The following ACOXL variants were observed in gnomAD, a reference collection of about 807,000 sequenced individuals.
ACOXL encodes the protein acyl-coenzyme A oxidase-like protein.
A neutral mutation model predicts 71.9 loss-of-function variants in ACOXL; 70 were observed. That is an observed-to-expected ratio of 0.97 (90% confidence interval 0.80 to 1.19). The LOEUF is 1.19. ACOXL is among the 50% of genes most tolerant of loss of function. The probability of loss-of-function intolerance (pLI) is 0.00; values close to 1 mark genes in which losing one functional copy is unlikely to be tolerated. For missense variants in ACOXL, 703 were observed against 736.3 expected (o/e 0.95, Z 0.52); for synonymous variants, 253 against 281.6 (o/e 0.90, Z 1.02).
chr2:110,906,709 C>T (rs1428013451), intron 10 of ACOXL, among the ~76,000 whole-genome samples: 6 of 152,078 alleles, frequency 3.9e-5, no homozygotes, highest in Non-Finnish European at 8.8e-5. Flanking sequence ...TCAAGTGAAG[C>T]TCTGGAGCAT....
chr2:110,783,409 G>T (rs1188853676), intron 2 of ACOXL, among the ~76,000 whole-genome samples: 1 of 152,194 alleles, frequency 6.6e-6, no homozygotes, highest in East Asian at 1.9e-4. Flanking sequence ...GATGCATTGG[G>T]TTGGAGCCAT....
rs1685638386 is a variant in ACOXL at position 110,799,156 on chromosome 2, G to C, written c.547+56G>C. 7 of 1,526,270 alleles carry C rather than the reference G, an allele frequency of 4.6e-6. No individual in the cohort carries two copies. In the East Asian group the frequency reaches 1.6e-4, roughly 34 times the overall value. 94.5% of individuals were successfully genotyped at this position (1,526,270 alleles called of 1,614,324 possible). The stretch of plus-strand genomic sequence containing the variant: ...CACTCTTCCTACCTGCTCCCCACCT[G>C]ACTCAAGGAGAATCTAACCTACGTT... On this transcript the variant is annotated intron_variant, in intron 7 of 17. Transcript: ENST00000439055.
intron 11 of ACOXL, among the ~76,000 whole-genome samples, chr2:110,924,802 TAATGGCC>T (rs2060212428): frequency 6.6e-6 from 1 of 151,574 alleles, no homozygotes; most frequent in Admixed American, 6.6e-5. Context: ...CAAATGTTCT[TAATGGCC>T]TTTAGATTGG....
At chr2:110,823,332 T>A (rs1688832156) in intron 9 of ACOXL, among the ~76,000 whole-genome samples, 1 of 152,122 alleles carries the variant, frequency 6.6e-6, no homozygotes, top group Admixed American at 6.6e-5. Flanking sequence ...TATTCCACTG[T>A]ATAGATGTAC....
At chr2:110,790,753 C>T (rs917376105) in intron 3 of ACOXL, among the ~76,000 whole-genome samples, 18 of 152,230 alleles carry the variant, frequency 1.2e-4, no homozygotes, top group Non-Finnish European at 2.5e-4. Context: ...CCCACGTGAT[C>T]GGTTGATGCC....
chr2:110,918,662 A>C (rs1455716292), intron 11 of ACOXL, among the ~76,000 whole-genome samples: 3 of 152,250 alleles, frequency 2.0e-5, no homozygotes. Context: ...CATCTGACAA[A>C]GGGCTAATAT....
chr2:110,877,887 A>G (rs1696123607), intron 10 of ACOXL, among the ~76,000 whole-genome samples: 2 of 152,204 alleles, frequency 1.3e-5, no homozygotes, highest in Non-Finnish European at 2.9e-5. Context: ...TGGGGAGAGC[A>G]CTGCATCCCG....
At chr2:110,735,374 T>C (rs1260522132) in intron 1 of ACOXL, among the ~76,000 whole-genome samples, 1 of 152,188 alleles carries the variant, frequency 6.6e-6, no homozygotes, top group African/African-American at 2.4e-5. Flanking sequence ...AACAGGTCTT[T>C]GCAGTTAAAG....
At chr2:111,058,087 A>G (rs1220514462) in intron 16 of ACOXL, among the ~76,000 whole-genome samples, 8 of 152,232 alleles carry the variant, frequency 5.3e-5, no homozygotes, top group Admixed American at 5.2e-4. Context: ...GGACAGCAGG[A>G]GAGGAAATCA....
chr2:110,888,779 A>C (rs1405879044), intron 10 of ACOXL, among the ~76,000 whole-genome samples: 1 of 152,190 alleles, frequency 6.6e-6, no homozygotes, highest in Non-Finnish European at 1.5e-5. Flanking sequence ...ATTTGAACTT[A>C]AGGTACTTTT....
intron 15 of ACOXL, among the ~76,000 whole-genome samples, chr2:111,048,165 G>C (rs1421488999): frequency 1.3e-5 from 2 of 152,186 alleles, no homozygotes; most frequent in East Asian, 1.9e-4. Flanking sequence ...GCCCACCTTT[G>C]TGGGATCTGC....
At chr2:110,809,363 C>CG (rs762790542) in intron 9 of ACOXL, among the ~76,000 whole-genome samples, 12 of 152,324 alleles carry the variant, frequency 7.9e-5, no homozygotes, top group Non-Finnish European at 1.8e-4. Flanking sequence ...AGCTGAGCTG[C>CG]GGGGCTGCAT....
chr2:110,844,625 G>A (rs1451751797), intron 10 of ACOXL, among the ~76,000 whole-genome samples: 2 of 147,754 alleles, frequency 1.4e-5, no homozygotes, highest in Non-Finnish European at 3.0e-5. Context: ...TTGGCTCACT[G>A]TAACCTCTGC....
At chr2:110,845,767 A>C (rs891577983) in intron 10 of ACOXL, among the ~76,000 whole-genome samples, 1 of 152,230 alleles carries the variant, frequency 6.6e-6, no homozygotes, top group African/African-American at 2.4e-5. Flanking sequence ...CCAGAATTTC[A>C]TTCCCTTCTG....
At chr2:111,040,201 G>T (rs1372597731) in intron 15 of ACOXL, among the ~76,000 whole-genome samples, 1 of 152,170 alleles carries the variant, frequency 6.6e-6, no homozygotes, top group African/African-American at 2.4e-5. Flanking sequence ...AGTTTGCTCT[G>T]TTCTTTCTTC....
In ACOXL at chr2:110,754,509, A is replaced by G. The variant is rs554002717; in HGVS notation, c.-22-13859A>G. Reference sequence around the variant, plus strand: ...CCCCATAGTCCTAACCCCAGCAGCAACTGATATGTTCTCCATTACCTTAAT... The same window carrying G: ...CCCCATAGTCCTAACCCCAGCAGCAGCTGATATGTTCTCCATTACCTTAAT... On this transcript the variant is annotated intron_variant, in intron 1 of 17. Transcript: ENST00000439055. 2.8e-4 allele frequency among the ~76,000 whole-genome samples: 43 copies of G among 152,338 alleles called. No individual in the cohort carries two copies. In the East Asian group the frequency reaches 7.3e-3, roughly 26 times the overall value.
At chr2:110,860,864 G>A (rs1349680768) in intron 10 of ACOXL, among the ~76,000 whole-genome samples, 1 of 152,200 alleles carries the variant, frequency 6.6e-6, no homozygotes, top group East Asian at 1.9e-4. Flanking sequence ...TGTTTAACAC[G>A]GCCCCCTGTT....
intron 11 of ACOXL, among the ~76,000 whole-genome samples, chr2:110,922,231 G>A (rs540667711): frequency 2.0e-5 from 3 of 151,936 alleles, no homozygotes; most frequent in African/African-American, 7.2e-5. Context: ...TGTTGTTTTG[G>A]TGCATACACA....
At chr2:110,903,659 A>T (rs1482310461) in intron 10 of ACOXL, among the ~76,000 whole-genome samples, 2 of 152,240 alleles carry the variant, frequency 1.3e-5, no homozygotes, top group Non-Finnish European at 2.9e-5. Context: ...TGGGAAGAAT[A>T]TTGTGTCCAC....
Sources: allele counts gnomAD v4.1 joint callset (sites outside exome capture counted in the v4.1 genomes callset), GRCh38; gene constraint gnomAD v4.1.1; transcripts MANE v1.5; gene names NCBI Gene and HGNC (gene_info 2026-07-23, HGNC 2026-07-21).